The following SEC16A variants were observed in gnomAD, a reference collection of about 807,000 sequenced individuals.
The protein encoded by SEC16A is protein transport protein Sec16A.
In SEC16A, 110 loss-of-function variants were observed where a neutral mutation model predicts 221.9. The ratio of observed to expected loss-of-function variants is 0.50; its 90% CI spans 0.42 to 0.58. The LOEUF is 0.58. Ranked by LOEUF, SEC16A falls within the 20% of genes least tolerant of loss-of-function variation. The probability of loss-of-function intolerance (pLI) is 0.00; values close to 1 mark genes in which losing one functional copy is unlikely to be tolerated. For missense variants in SEC16A, 3,165 were observed against 3,097.8 expected (o/e 1.02, Z -0.52); for synonymous variants, 1,393 against 1,257.7 (o/e 1.11, Z -2.28).
chr9:136,484,629 C>T (rs781338928), upstream of SEC16A: 7 of 1,364,544 alleles, frequency 5.1e-6, no homozygotes, highest in African/African-American at 5.9e-5. Flanking sequence ...CCCTTGTCCC[C>T]AGCTGGGCCG....
Position 136,482,980 on chromosome 9 carries a change from C to T in SEC16A, c.-234G>A, listed in dbSNP as rs1395452402. ...ATCCCTCAGGAGCCGCGGGCGAAAG[C>T]CCACCCGACGCTGGCGACGAGCACA... On this transcript the variant is annotated 5_prime_UTR_variant, in exon 1 of 32. Transcript: ENST00000684901. 3.9e-5 allele frequency: 38 copies of T among 985,198 alleles called. No individual in the cohort carries two copies. Among genetic ancestry groups the T allele is most frequent in the African/African-American group, 7.0e-5 (4 of 57,216 alleles). The allele number at this position is 985,198 out of a possible 1,614,324, so 61.0% of individuals were successfully genotyped here.
rs1839185080 is a variant in SEC16A at position 136,459,551 on chromosome 9, T to A, written c.5196A>T (p.Ser1732=). ...TMATMGDTLA[S]RGLLDAAHFC... ...AGTGGGCCGCATCCAAGAGGCCCCT[T>A]GAAGCTGCGGAGAGACGACACGACA... The change falls in exon 16 of 32, where the codon TCA becomes TCT. Residue 1732 remains serine, a synonymous_variant. Coordinates refer to ENST00000684901, the MANE Select transcript of SEC16A (RefSeq NM_014866.2). The surrounding 1 kb of genome is among the most constrained non-coding windows in gnomAD (Gnocchi z 6.1). The A allele has an allele frequency of 6.3e-7, 1 of 1,593,750 alleles. No individual in the cohort carries two copies. Among genetic ancestry groups the A allele is most frequent in the Admixed American group, 1.8e-5 (1 of 56,758 alleles).
chr9:136,480,550 G>T (rs1842191777), intron 1 of SEC16A, among the ~76,000 whole-genome samples: 1 of 152,154 alleles, frequency 6.6e-6, no homozygotes. Flanking sequence ...TTAATCTTAT[G>T]AGATTCTACT....
chr9:136,471,069 C>T (rs890893761), intron 4 of SEC16A, among the ~76,000 whole-genome samples: 6 of 152,112 alleles, frequency 3.9e-5, no homozygotes, highest in Admixed American at 3.9e-4. Flanking sequence ...GCTTAAAGGG[C>T]TACTCAGCTG....
chr9:136,445,095 G>T lies in SEC16A; in HGVS notation c.6884C>A (p.Ser2295Ter). 6.2e-7 allele frequency: 1 copy of T among 1,606,630 alleles called. No homozygotes were observed. ...SQGGELSRCSSMSSLSREVSQ... is the reference protein window; with the variant it reads ...SQGGELSRCS Reference sequence around the variant, plus strand: ...CACTTCACGTGATAATGAACTCATTGAACTACAGCGCGAAAGCTACAAAAC... The same window carrying T: ...CACTTCACGTGATAATGAACTCATTTAACTACAGCGCGAAAGCTACAAAAC... The change falls in exon 30 of 32, where the codon TCA (serine) becomes TAA (stop). Residue 2295 changes from serine to a stop codon, truncating the protein, a stop_gained. Transcript: ENST00000684901. LOFTEE classifies it high-confidence loss of function.
Position 136,476,987 on chromosome 9 carries a change from T to G in SEC16A, c.629A>C (p.Gln210Pro). 1 of 1,613,302 alleles carries G rather than the reference T, an allele frequency of 6.2e-7. No individual in the cohort carries two copies. Among genetic ancestry groups the G allele is most frequent in the Non-Finnish European group, 8.5e-7 (1 of 1,179,850 alleles). ...ASPSLPQPGL[Q>P]MPGQWGPVQG... The stretch of plus-strand genomic sequence containing the variant: ...CACTGGCCCCCACTGTCCTGGCATC[T>G]GCAGACCAGGCTGAGGGAGGGAAGG... Residue 210 changes from glutamine to proline, a missense_variant, in exon 3 of 32, where the codon CAG (glutamine) becomes CCG (proline). Transcript: ENST00000684901.
rs763377357 is a variant in SEC16A, at chr9:136,476,149, A to G, written c.1467T>C (p.Tyr489=). ...GCACAGCTGGCCCAGGAAGGGGCCC[A>G]TATCTGAACTGGTCACTCGGGGAGG... is the stretch of plus-strand genomic sequence containing the variant. ...DPSSPSDQFR[Y]GPLPGPAVPR... The change falls in exon 3 of 32, where the codon TAT becomes TAC. Residue 489 remains tyrosine (Y), a synonymous_variant. Coordinates refer to ENST00000684901, the MANE Select transcript of SEC16A (RefSeq NM_014866.2). 3.7e-6 allele frequency: 6 copies of G among 1,613,870 alleles called. No individual in the cohort carries two copies. The East Asian group carries it at 8.9e-5, about 24-fold the overall frequency.
chr9:136,445,147 GA>G, intron 29 of SEC16A, 36 bp from the exon 30 acceptor site: 1 of 1,566,070 alleles, frequency 6.4e-7, no homozygotes, highest in Non-Finnish European at 8.7e-7. Flanking sequence ...AAACACGGAC[GA>G]AAGTCAACAT....
In SEC16A at chr9:136,477,631, C is replaced by G. The variant is rs200589123; in HGVS notation, c.-16G>C. On this transcript the variant is annotated 5_prime_UTR_variant, in exon 3 of 32. Transcript: ENST00000684901. ...GTGGCTGCATGACTGAACCCTTGCA[C>G]AAGTCGATGCTGCTTACAGAAGGAA... The G allele has an allele frequency of 7.1e-5, 113 of 1,583,120 alleles. No individual in the cohort carries two copies. In the Middle Eastern group the frequency reaches 1.7e-3, roughly 24 times the overall value.
At chr9:136,460,933 G>A (rs544333355) in intron 13 of SEC16A, among the ~76,000 whole-genome samples, 1 of 152,310 alleles carries the variant, frequency 6.6e-6, no homozygotes, top group Admixed American at 6.5e-5. Flanking sequence ...TATAAAAGAT[G>A]AAGACTGAGG....
At position 136,474,703 on chromosome 9, in the gene SEC16A, G is replaced by A. The variant is rs368753016; in HGVS notation, c.2913C>T (p.His971=). ...TATTACCATCAGGCACCAGGGTGCC[G>A]TGTGCAGGTGGAACTAACACCACAC... The part of the protein sequence containing the change: ...STSVVLVPPA[H]GTLVPDGNKA... The change falls in exon 3 of 32, where the codon CAC becomes CAT. Residue 971 remains histidine, a synonymous_variant. Coordinates refer to ENST00000684901, the MANE Select transcript of SEC16A (RefSeq NM_014866.2). 108 of 1,613,806 alleles carry A rather than the reference G, an allele frequency of 6.7e-5. No individual in the cohort carries two copies. Among genetic ancestry groups the A allele is most frequent in the South Asian group, 2.2e-4 (20 of 91,084 alleles).
At chr9:136,454,547 G>A (rs1838334453) in intron 20 of SEC16A, among the ~76,000 whole-genome samples, 1 of 152,192 alleles carries the variant, frequency 6.6e-6, no homozygotes, top group South Asian at 2.1e-4. Context: ...TAGGGGAGGG[G>A]CACTTGAGCA....
intron 5 of SEC16A, 71 bp downstream of exon 5, chr9:136,468,344 G>A (rs1247930405): frequency 3.3e-6 from 3 of 918,986 alleles, no homozygotes; most frequent in African/African-American, 3.3e-5. Context: ...GGCTGGCCAG[G>A]GCTGCATGTC....
At chr9:136,445,183 G>T in intron 29 of SEC16A, 72 bp from the exon 30 acceptor site, 1 of 1,323,932 alleles carries the variant, frequency 7.6e-7, no homozygotes, top group Non-Finnish European at 1.1e-6. Flanking sequence ...AATCCAAGCT[G>T]TCAGTTCCAT....
chr9:136,475,504 G>T lies in SEC16A; in HGVS notation c.2112C>A (p.Pro704=), dbSNP rs753290909. The T allele has an allele frequency of 1.2e-6, 2 of 1,609,452 alleles. No homozygotes were observed. Among genetic ancestry groups the T allele is most frequent in the South Asian group, 2.2e-5 (2 of 90,890 alleles). ...GGGTCCTGGCTGAAGGCCTCTTCTC[G>T]GGTGCTGGATACACAGTATCCAAGG... ...APPLDTVYPA[P]EKRPSARTQG... The change falls in exon 3 of 32, where the codon CCC becomes CCA. Residue 704 remains proline, a synonymous_variant. Coordinates refer to ENST00000684901, the MANE Select transcript of SEC16A (RefSeq NM_014866.2). The surrounding 1 kb of genome is among the most constrained non-coding windows in gnomAD (Gnocchi z 5.0).
rs183438856 is a variant in SEC16A at position 136,442,337 on chromosome 9, G to A, written c.7006-514C>T. Among the ~76,000 whole-genome samples the A allele has an allele frequency of 2.0e-4, 31 of 152,388 alleles. No homozygotes were observed. The East Asian group carries it at 5.4e-3, about 27-fold the overall frequency. On this transcript the variant is annotated intron_variant, in intron 31 of 31. Coordinates refer to ENST00000684901, the MANE Select transcript of SEC16A (RefSeq NM_014866.2). Reference sequence around the variant, plus strand: ...AATCGACTAGTCTGGATGCTGAAAAGCAGGTGACAGCCAGGGGCCAGCTTG... The same window carrying A: ...AATCGACTAGTCTGGATGCTGAAAAACAGGTGACAGCCAGGGGCCAGCTTG...
At chr9:136,472,533 G>A (rs1279941194) in intron 3 of SEC16A, among the ~76,000 whole-genome samples, 3 of 152,180 alleles carry the variant, frequency 2.0e-5, no homozygotes, top group South Asian at 2.1e-4. Context: ...CAACCCCTGC[G>A]TCCCGCTTCA....
rs1564458456 is a variant in SEC16A at position 136,447,684 on chromosome 9, C to T, written c.6448-4G>A. On this transcript the variant is annotated splice_region_variant and splice_polypyrimidine_tract_variant and intron_variant, in intron 25 of 31. Transcript: ENST00000684901. The surrounding 1 kb of genome is among the most constrained non-coding windows in gnomAD (Gnocchi z 5.5). ...GAGGTGGGGGCGGGGCTTTCTTCTG[C>T]AGAGGGAAACACAGCTTCAGACACC... is the stretch of plus-strand genomic sequence containing the variant. 2 of 1,605,434 alleles carry T rather than the reference C, an allele frequency of 1.2e-6. No individual in the cohort carries two copies. Among genetic ancestry groups the T allele is most frequent in the East Asian group, 2.2e-5 (1 of 44,804 alleles).
chr9:136,470,762 A>C (rs1157285705), intron 4 of SEC16A, among the ~76,000 whole-genome samples: 1 of 152,240 alleles, frequency 6.6e-6, no homozygotes, highest in African/African-American at 2.4e-5. Flanking sequence ...AAAAACCTCT[A>C]ATAAGCACGA....
Sources: allele counts gnomAD v4.1 joint callset (sites outside exome capture counted in the v4.1 genomes callset), GRCh38; gene constraint gnomAD v4.1.1; non-coding constraint Gnocchi (gnomAD v3.1); transcripts MANE v1.5; gene names NCBI Gene and HGNC (gene_info 2026-07-23, HGNC 2026-07-21).